Variants in PEAK1 observed in about 807,000 individuals in gnomAD.
PEAK1 encodes the protein pseudopodium enriched atypical kinase 1.
Under a neutral mutation model 124.7 loss-of-function variants are expected in PEAK1, and 54 were observed. The observed-to-expected ratio is 0.43, with a 90% CI of 0.35 to 0.54. PEAK1 has a LOEUF of 0.54. Ranked by LOEUF, PEAK1 falls within the 20% of genes least tolerant of loss-of-function variation. The probability of loss-of-function intolerance (pLI) is 0.01; values close to 1 mark genes in which losing one functional copy is unlikely to be tolerated. For missense variants in PEAK1, 2,046 were observed against 2,134.5 expected (o/e 0.96, Z 0.82); for synonymous variants, 719 against 760.0 (o/e 0.95, Z 0.89).
At chr15:77,247,303 C>G (rs554048795) in intron 6 of PEAK1, among the ~76,000 whole-genome samples, 1 of 152,010 alleles carries the variant, frequency 6.6e-6, no homozygotes, top group Non-Finnish European at 1.5e-5. Flanking sequence ...CACTTTTTCA[C>G]CATTAAGTGT....
intron 8 of PEAK1, among the ~76,000 whole-genome samples, chr15:77,136,882 C>T (rs1009863962): frequency 3.3e-5 from 5 of 152,196 alleles, no homozygotes; most frequent in Admixed American, 3.3e-4. Flanking sequence ...TCACGGCAGA[C>T]CCTCCCATCA....
intron 1 of PEAK1, among the ~76,000 whole-genome samples, chr15:77,414,161 T>C (rs1446793166): frequency 6.6e-6 from 1 of 150,384 alleles, no homozygotes; most frequent in African/African-American, 2.4e-5. Flanking sequence ...TCCTTCCTTC[T>C]TTCTCTTTCC....
chr15:77,172,280 C>T (rs1425547871), intron 7 of PEAK1, among the ~76,000 whole-genome samples: 3 of 152,100 alleles, frequency 2.0e-5, no homozygotes, highest in African/African-American at 7.2e-5. Context: ...AATGCAGATC[C>T]TCTAAATGTT....
In PEAK1 at chr15:77,238,346, CT is replaced by C. The variant is rs112355220; in HGVS notation, c.-115+14020del. 1.6e-3 allele frequency among the ~76,000 whole-genome samples: 239 copies of C among 151,980 alleles called. 2 individuals are homozygous for C. The highest frequency in any genetic ancestry group is 5.5e-3 in the African/African-American group (227 of 41,486). Reference sequence around the variant, plus strand: ...CTATCCTCAGTGTCTCTCAACTCGCCTTTTTTTTCTTCCTGTTTGTCCTTTC... The same window carrying C: ...CTATCCTCAGTGTCTCTCAACTCGCCTTTTTTTCTTCCTGTTTGTCCTTTC... On this transcript the variant is annotated intron_variant, in intron 6 of 9. Coordinates refer to ENST00000682557, the MANE Select transcript of PEAK1 (RefSeq NM_001385026.1).
intron 6 of PEAK1, among the ~76,000 whole-genome samples, chr15:77,200,061 T>C (rs2058288461): frequency 6.6e-6 from 1 of 152,204 alleles, no homozygotes; most frequent in Admixed American, 6.5e-5. Flanking sequence ...GGGCCTATCT[T>C]TCCTGCCTAT....
intron 5 of PEAK1, chr15:77,278,540 G>A: frequency 2.0e-6 from 1 of 491,398 alleles, no homozygotes; most frequent in South Asian, 1.5e-5. Flanking sequence ...GAGAAGATCT[G>A]CAAGGTTGTC....
At chr15:77,156,641 C>G (rs2055184908) in intron 8 of PEAK1, 1 of 152,118 alleles carries the variant, frequency 6.6e-6, no homozygotes, top group Non-Finnish European at 1.5e-5. Flanking sequence ...GCCATCTTGG[C>G]TCCCGAAATA....
In PEAK1 at chr15:77,338,023, AT is replaced by A. The variant is rs370176313; in HGVS notation, c.-603+27139del. The A allele has an allele frequency of 2.0e-5, 20 of 983,084 alleles. No homozygotes were observed. In the African/African-American group the frequency reaches 3.3e-4, roughly 16 times the overall value. 60.9% of individuals were successfully genotyped at this position (983,084 alleles called of 1,614,324 possible). A position where few individuals can be genotyped will look rare whatever the true frequency, so the allele number is the denominator to read the frequency against. ...TATCTTGAGGTAAAAAGAGGTCATT[AT>A]TTTTCAAATGTGTAAAGCAGTAAAA... On this transcript the variant is annotated intron_variant, in intron 2 of 9. Coordinates refer to ENST00000682557, the MANE Select transcript of PEAK1 (RefSeq NM_001385026.1).
At chr15:77,419,436 C>T (rs2073175757) in intron 1 of PEAK1, 1 of 985,418 alleles carries the variant, frequency 1.0e-6, no homozygotes, top group Non-Finnish European at 1.2e-6. Context: ...CCCCAAACGA[C>T]CCCGCCAGCC....
intron 1 of PEAK1, among the ~76,000 whole-genome samples, chr15:77,394,902 C>A (rs978889063): frequency 6.6e-6 from 1 of 152,090 alleles, no homozygotes; most frequent in African/African-American, 2.4e-5. Context: ...GGGATGGATA[C>A]CCCATTCTCC....
chr15:77,398,862 A>T (rs2071118671), intron 1 of PEAK1, among the ~76,000 whole-genome samples: 1 of 152,208 alleles, frequency 6.6e-6, no homozygotes, highest in African/African-American at 2.4e-5. Context: ...TATTTGGATA[A>T]ACCTAAAGAT....
At chr15:77,406,054 C>T (rs1457090144) in intron 1 of PEAK1, among the ~76,000 whole-genome samples, 9 of 152,130 alleles carry the variant, frequency 5.9e-5, no homozygotes, top group Admixed American at 5.2e-4. Flanking sequence ...TGTTATGCTG[C>T]ATAGAAGAAA....
At chr15:77,184,829 G>A (rs961138564) in intron 6 of PEAK1, among the ~76,000 whole-genome samples, 3 of 152,256 alleles carry the variant, frequency 2.0e-5, no homozygotes, top group South Asian at 2.1e-4. Context: ...CCTGGGTGGC[G>A]GAGGTTGCAG....
intron 2 of PEAK1, among the ~76,000 whole-genome samples, chr15:77,309,425 C>A (rs1483510144): frequency 2.0e-5 from 3 of 151,516 alleles, no homozygotes; most frequent in Non-Finnish European, 4.4e-5. Flanking sequence ...GTGCATTTTC[C>A]AGCAAGGGAA....
intron 2 of PEAK1, among the ~76,000 whole-genome samples, chr15:77,336,797 A>G (rs2066229747): frequency 6.6e-6 from 1 of 152,188 alleles, no homozygotes; most frequent in Non-Finnish European, 1.5e-5. Flanking sequence ...CATGGATAAG[A>G]GTGTGTACAT....
rs540290214 is a variant in PEAK1, at chr15:77,270,413, T to G, written c.-275+13470A>C. On this transcript the variant is annotated intron_variant, in intron 5 of 9. Transcript: ENST00000682557. The stretch of plus-strand genomic sequence containing the variant: ...TCAGCCCAAAATCTCCTTAAGCTGA[T>G]AGCAACTTCAGCAAAGTCTCAGGAC... Among the ~76,000 whole-genome samples, 224 of 152,268 alleles carry G rather than the reference T, an allele frequency of 1.5e-3. 1 individual carries two copies. Among genetic ancestry groups the G allele is most frequent in the African/African-American group, 4.8e-3 (201 of 41,570 alleles).
intron 6 of PEAK1, among the ~76,000 whole-genome samples, chr15:77,237,817 G>A (rs561321002): frequency 1.6e-4 from 25 of 151,974 alleles, no homozygotes; most frequent in East Asian, 1.2e-3. Context: ...ATATCTCTTC[G>A]TTTCTTTTAA....
chr15:77,223,533 A>G (rs574849233), intron 6 of PEAK1, among the ~76,000 whole-genome samples: 2 of 152,210 alleles, frequency 1.3e-5, no homozygotes, highest in African/African-American at 4.8e-5. Flanking sequence ...GTGTGTGTCG[A>G]CAGTAGTCTC....
intron 8 of PEAK1, chr15:77,156,045 T>G (rs2055106050): frequency 6.6e-6 from 1 of 152,470 alleles, no homozygotes; most frequent in Non-Finnish European, 1.5e-5. Context: ...CAGGGACATT[T>G]AAGTCTGCAG....
Sources: gnomAD v4.1 joint callset for allele counts (sites outside exome capture counted in the v4.1 genomes callset) on GRCh38, gnomAD v4.1.1 for gene constraint, MANE v1.5 for transcripts, NCBI Gene and HGNC (gene_info 2026-07-23, HGNC 2026-07-21) for gene names.